Variants in MCTP1 observed in about 807,000 individuals in gnomAD.
MCTP1 encodes multiple C2 and transmembrane domain-containing protein 1.
MCTP1 carries 69 observed loss-of-function variants against 120.6 expected under a neutral mutation model. The ratio of observed to expected loss-of-function variants is 0.57; its 90% CI spans 0.47 to 0.70. The LOEUF (loss-of-function observed/expected upper bound fraction) is 0.70, where lower values mean the gene tolerates loss of function less well. Among genes scored for constraint, MCTP1 ranks in the 30% least tolerant of loss-of-function variants. The pLI, the probability that MCTP1 is intolerant of heterozygous loss-of-function variation, is 0.00. For missense variants in MCTP1, 1,203 were observed against 1,248.8 expected, an observed-to-expected ratio of 0.96 and a Z score of 0.55; for synonymous variants, 529 against 493.1, an observed-to-expected ratio of 1.07 and a Z score of -0.96.
At chr5:94,859,867 A>G (rs532899959) in intron 17 of MCTP1, among the ~76,000 whole-genome samples, 1 of 151,698 alleles carries the variant, frequency 6.6e-6, no homozygotes, top group Non-Finnish European at 1.5e-5. Context: ...AAAAAGATTA[A>G]TTGACTAAGG....
chr5:94,847,682 GTATATA>G (rs373174876), intron 17 of MCTP1, among the ~76,000 whole-genome samples: 2,200 of 102,368 alleles, frequency 0.021, 68 homozygotes, highest in African/African-American at 0.073. Context: ...GTGTGTGTGT[GTATATA>G]TATATATATA....
Position 94,707,515 on chromosome 5 carries a change from T to C in MCTP1, c.2981A>G (p.Lys994Arg). 1 of 1,611,910 alleles carries C rather than the reference T, an allele frequency of 6.2e-7. No homozygotes were observed. The highest frequency in any genetic ancestry group is 8.5e-7 in the Non-Finnish European group (1 of 1,178,500). The stretch of plus-strand genomic sequence containing the variant: ...AGCTGGCTAGCCAAGATTGTTTTTC[T>C]TTCTTTTATATGGGCTATGAGAAGG... The part of the protein sequence containing the change: ...PDPSHSPYKR[K>R]KNNLG The change falls in exon 23 of 23, where the codon AAG (lysine) becomes AGG (arginine). Residue 994 changes from lysine to arginine, a missense_variant. Coordinates refer to ENST00000515393, the MANE Select transcript of MCTP1 (RefSeq NM_024717.7).
chr5:94,855,625 G>T (rs945931186), intron 17 of MCTP1, among the ~76,000 whole-genome samples: 5 of 151,702 alleles, frequency 3.3e-5, no homozygotes, highest in Non-Finnish European at 7.4e-5. Context: ...ATGGTATAAA[G>T]ATACATACTA....
At chr5:95,029,883 A>G (rs551179358) in intron 1 of MCTP1, among the ~76,000 whole-genome samples, 4 of 152,256 alleles carry the variant, frequency 2.6e-5, no homozygotes, top group African/African-American at 9.6e-5. Flanking sequence ...GAGTTACTCC[A>G]CCACCAAATC....
At chr5:94,802,843 G>T (rs556241395) in intron 17 of MCTP1, among the ~76,000 whole-genome samples, 1 of 152,270 alleles carries the variant, frequency 6.6e-6, no homozygotes, top group East Asian at 1.9e-4. Flanking sequence ...TTCTGGAATT[G>T]CTTTTTGCCT....
At chr5:94,919,128 A>G (rs971462320) in intron 7 of MCTP1, among the ~76,000 whole-genome samples, 4 of 152,222 alleles carry the variant, frequency 2.6e-5, no homozygotes, top group Non-Finnish European at 5.9e-5. Flanking sequence ...AGAAAGGCTA[A>G]TCGAGGGATT....
chr5:94,847,151 T>A (rs1004864789), intron 17 of MCTP1, among the ~76,000 whole-genome samples: 2 of 152,272 alleles, frequency 1.3e-5, no homozygotes, highest in African/African-American at 2.4e-5. Flanking sequence ...ACCCTTCTCC[T>A]ACTGAATTAC....
intron 2 of MCTP1, among the ~76,000 whole-genome samples, chr5:94,970,268 A>C (rs1826502798): frequency 6.6e-6 from 1 of 151,942 alleles, no homozygotes; most frequent in Admixed American, 6.6e-5. Flanking sequence ...TATCCCAAAT[A>C]TAACATGAAT....
At chr5:95,027,877 C>A (rs866522911) in intron 1 of MCTP1, among the ~76,000 whole-genome samples, 13 of 152,156 alleles carry the variant, frequency 8.5e-5, no homozygotes, top group African/African-American at 3.1e-4. Flanking sequence ...AAGAGAGCAA[C>A]CAGTTAACAC....
chr5:95,033,884 A>C (rs2151797330), intron 1 of MCTP1, among the ~76,000 whole-genome samples: 1 of 152,250 alleles, frequency 6.6e-6, no homozygotes. Flanking sequence ...TCAGGATAGA[A>C]GATCAATGTA....
At chr5:94,745,863 C>T (rs1766776009) in intron 19 of MCTP1, among the ~76,000 whole-genome samples, 1 of 152,080 alleles carries the variant, frequency 6.6e-6, no homozygotes, top group Non-Finnish European at 1.5e-5. Flanking sequence ...GATATTGTAC[C>T]AGATGTTCAA....
chr5:94,924,302 A>T (rs1812456382), intron 6 of MCTP1, among the ~76,000 whole-genome samples: 1 of 152,108 alleles, frequency 6.6e-6, no homozygotes, highest in East Asian at 1.9e-4. Flanking sequence ...ATGGTTTATT[A>T]TAGAAAGTAG....
intron 10 of MCTP1, among the ~76,000 whole-genome samples, chr5:94,905,556 A>G (rs1806609452): frequency 6.6e-6 from 1 of 152,164 alleles, no homozygotes; most frequent in African/African-American, 2.4e-5. Context: ...AATCCTCAAT[A>G]TGTTTTGAAG....
At chr5:94,870,356 T>G (rs1797610693) in intron 16 of MCTP1, 61 bp downstream of exon 16, 9 of 1,119,964 alleles carry the variant, frequency 8.0e-6, no homozygotes, top group Admixed American at 1.8e-5. Flanking sequence ...TGAATTTACT[T>G]AGATGTTTTA....
intron 1 of MCTP1, among the ~76,000 whole-genome samples, chr5:95,180,664 C>A (rs1322701146): frequency 6.6e-6 from 1 of 152,102 alleles, no homozygotes; most frequent in Admixed American, 6.6e-5. Context: ...TGATTCTCAA[C>A]CAGTTTGAGG....
At chr5:95,171,529 G>C (rs955267509) in intron 1 of MCTP1, among the ~76,000 whole-genome samples, 4 of 152,114 alleles carry the variant, frequency 2.6e-5, no homozygotes, top group Admixed American at 6.6e-5. Flanking sequence ...TCCATTCTCT[G>C]TGTCACTTTC....
At chr5:94,897,639 A>G (rs992802137) in intron 10 of MCTP1, among the ~76,000 whole-genome samples, 2 of 152,182 alleles carry the variant, frequency 1.3e-5, no homozygotes, top group Non-Finnish European at 1.5e-5. Context: ...TGCTGGGATT[A>G]CAGGCATGAG....
At chr5:94,710,165 GAAAGAA>G (rs1756340112) in intron 21 of MCTP1, 1 of 151,968 alleles carries the variant, frequency 6.6e-6, no homozygotes, top group African/African-American at 2.4e-5. Flanking sequence ...TGTCAGGAAA[GAAAGAA>G]AAAAAGAAGA....
intron 1 of MCTP1, among the ~76,000 whole-genome samples, chr5:95,183,901 T>C (rs1191605194): frequency 6.6e-6 from 1 of 151,908 alleles, no homozygotes; most frequent in Non-Finnish European, 1.5e-5. Context: ...GTGAACATTT[T>C]GAAAAAGAGT....
Sources: gnomAD v4.1 joint callset for allele counts (sites outside exome capture counted in the v4.1 genomes callset) on GRCh38, gnomAD v4.1.1 for gene constraint, MANE v1.5 for transcripts, NCBI Gene and HGNC (gene_info 2026-07-23, HGNC 2026-07-21) for gene names.